RPSA2: variants seen among roughly 807,000 people sequenced by gnomAD.
RPSA2 encodes small ribosomal subunit protein uS2B.
the RPSA2 span, among the ~76,000 whole-genome samples, chr19:23,842,285 C>T: frequency 0.053 from 8,082 of 152,264 alleles, 294 homozygotes; most frequent in Non-Finnish European, 0.083. Context: ...ACTGTATATA[C>T]TTGTGTTTAT....
chr19:23,840,939 G>C, the RPSA2 span, among the ~76,000 whole-genome samples: 1 of 133,350 alleles, frequency 7.5e-6, no homozygotes, highest in South Asian at 2.5e-4. Flanking sequence ...TCCAGCCTGG[G>C]TGAAAACAAC....
chr19:23,808,182 A>ATATTGT, the RPSA2 span, among the ~76,000 whole-genome samples: 1 of 152,090 alleles, frequency 6.6e-6, no homozygotes, highest in Non-Finnish European at 1.5e-5. Context: ...GTTGCATAAA[A>ATATTGT]TATTGTTACT....
At chr19:23,867,206 T>A in the RPSA2 span, among the ~76,000 whole-genome samples, 9 of 152,182 alleles carry the variant, frequency 5.9e-5, no homozygotes, top group Admixed American at 5.2e-4. Context: ...TAATATCCAG[T>A]AAGGATTGAC....
the RPSA2 span, among the ~76,000 whole-genome samples, chr19:23,764,260 C>T: frequency 3.3e-5 from 5 of 152,140 alleles, no homozygotes; most frequent in South Asian, 2.1e-4. Context: ...CTACCCTCTT[C>T]CCCTAGCTTA....
chr19:23,858,897 T>A, the RPSA2 span, among the ~76,000 whole-genome samples: 4 of 152,212 alleles, frequency 2.6e-5, no homozygotes, highest in Non-Finnish European at 4.4e-5. Context: ...CCTATGTAAA[T>A]TAGACACTGC....
the RPSA2 span, among the ~76,000 whole-genome samples, chr19:23,772,100 C>T: frequency 0.98 from 148,907 of 152,238 alleles, 72,918 homozygotes; most frequent in Middle Eastern, 1. Flanking sequence ...CCCACAGGGA[C>T]ATTGTGACAT....
chr19:23,849,148 A>C, the RPSA2 span, among the ~76,000 whole-genome samples: 1 of 152,212 alleles, frequency 6.6e-6, no homozygotes, highest in Non-Finnish European at 1.5e-5. Flanking sequence ...CCAAATTTTG[A>C]TATTTCCCAC....
chr19:23,868,376 A>G, the RPSA2 span, among the ~76,000 whole-genome samples: 1 of 152,214 alleles, frequency 6.6e-6, no homozygotes. Flanking sequence ...TAAACAATTA[A>G]AAACTGACAA....
the RPSA2 span, among the ~76,000 whole-genome samples, chr19:23,775,725 G>A: frequency 6.6e-6 from 1 of 152,178 alleles, no homozygotes; most frequent in African/African-American, 2.4e-5. Flanking sequence ...GACCAAGATT[G>A]AACACACCTA....
the RPSA2 span, among the ~76,000 whole-genome samples, chr19:23,784,675 A>G: frequency 6.6e-6 from 1 of 152,146 alleles, no homozygotes; most frequent in Non-Finnish European, 1.5e-5. Context: ...TTGCATGCAC[A>G]CTCAGACAAC....
chr19:23,805,826 C>G, the RPSA2 span, among the ~76,000 whole-genome samples: 8 of 152,112 alleles, frequency 5.3e-5, no homozygotes, highest in Admixed American at 2.0e-4. Context: ...TTTATAAATG[C>G]TTGTGATAGT....
the RPSA2 span, among the ~76,000 whole-genome samples, chr19:23,815,698 T>A: frequency 6.6e-6 from 1 of 152,224 alleles, no homozygotes; most frequent in Non-Finnish European, 1.5e-5. Flanking sequence ...CTTTGTTTTC[T>A]TGTTGATTTT....
At chr19:23,861,590 C>T in the RPSA2 span, among the ~76,000 whole-genome samples, 13 of 152,116 alleles carry the variant, frequency 8.5e-5, no homozygotes, top group Non-Finnish European at 1.3e-4. Context: ...AGTCTACCAG[C>T]GTTCTGCTTT....
chr19:23,804,006 C>A, the RPSA2 span, among the ~76,000 whole-genome samples: 4 of 152,068 alleles, frequency 2.6e-5, no homozygotes, highest in Admixed American at 6.6e-5. Context: ...TATAAACTCA[C>A]AGGGTTTTAT....
the RPSA2 span, among the ~76,000 whole-genome samples, chr19:23,837,652 A>G: frequency 6.6e-6 from 1 of 151,988 alleles, no homozygotes; most frequent in African/African-American, 2.4e-5. Context: ...GGTGTTTTGT[A>G]GTTTTCCTTC....
the RPSA2 span, chr19:23,831,721 T>C: frequency 3.8e-6 from 1 of 261,974 alleles, no homozygotes; most frequent in Non-Finnish European, 8.3e-6. Context: ...GAAATGGCTG[T>C]AAAAGTGTGG....
chr19:23,823,557 G>T, the RPSA2 span, among the ~76,000 whole-genome samples: 4 of 152,012 alleles, frequency 2.6e-5, no homozygotes, highest in Admixed American at 2.6e-4. Flanking sequence ...CCTACTCCCA[G>T]TTTTCTCTCC....
the RPSA2 span, among the ~76,000 whole-genome samples, chr19:23,850,840 G>A: frequency 1.3e-5 from 2 of 152,112 alleles, no homozygotes; most frequent in African/African-American, 2.4e-5. Context: ...AAATGTAATT[G>A]GGAATGGGGA....
chr19:23,809,799 CAATTTCA>C, the RPSA2 span, among the ~76,000 whole-genome samples: 1 of 152,016 alleles, frequency 6.6e-6, no homozygotes, highest in Admixed American at 6.6e-5. Flanking sequence ...TTTTGGTCTT[CAATTTCA>C]ATGACTTTAA....
Sources: gnomAD v4.1 joint callset for allele counts (sites outside exome capture counted in the v4.1 genomes callset) on GRCh38, gnomAD v4.1.1 for gene constraint, MANE v1.5 for transcripts, NCBI Gene and HGNC (gene_info 2026-07-23, HGNC 2026-07-21) for gene names.